The following TRPV4 variants were observed in gnomAD, a reference collection of about 807,000 sequenced individuals.
The protein encoded by TRPV4 is OSM9-like transient receptor potential channel 4.
A neutral mutation model predicts 84.1 loss-of-function variants in TRPV4; 58 were observed. The ratio of observed to expected loss-of-function variants is 0.69; its 90% CI spans 0.56 to 0.86. The LOEUF (loss-of-function observed/expected upper bound fraction) is 0.86, where lower values mean the gene tolerates loss of function less well. Among genes scored for constraint, TRPV4 ranks in the 40% least tolerant of loss-of-function variants. TRPV4 has a pLI of 0.00. For missense variants in TRPV4, 879 were observed against 1,181.1 expected, an observed-to-expected ratio of 0.74 and a Z score of 3.75; for synonymous variants, 489 against 500.9, an observed-to-expected ratio of 0.98 and a Z score of 0.32.
At position 109,788,615 on chromosome 12, in the gene TRPV4, T is replaced by C; in HGVS notation, c.1993A>G (p.Thr665Ala). Reference sequence around the variant, plus strand: ...AGGTCCAGGAGGAAGGTGCTGAAGGTCTCGCTGTCACGGCACGAGGGGTAA... The same window carrying C: ...AGGTCCAGGAGGAAGGTGCTGAAGGCCTCGCTGTCACGGCACGAGGGGTAA... ...PTYPSCRDSE[T>A]FSTFLLDLFK... is the part of the protein sequence containing the mutation. The change falls in exon 13 of 16, where the codon ACC becomes GCC. Residue 665 changes from threonine to alanine, a missense_variant. Physicochemically the swap from Thr to Ala is moderately conservative, Grantham distance 58. Transcript: ENST00000261740. The C allele has an allele frequency of 1.9e-6, 3 of 1,614,160 alleles. No homozygotes were observed. In the Admixed American group the frequency reaches 5.0e-5, roughly 27 times the overall value.
intron 3 of TRPV4, among the ~76,000 whole-genome samples, chr12:109,805,431 G>A (rs1366828255): frequency 2.6e-5 from 4 of 152,196 alleles, no homozygotes; most frequent in African/African-American, 9.7e-5. Context: ...CCAGAGATGA[G>A]GTGGAACATG....
chr12:109,792,528 G>A (rs1890112581), intron 11 of TRPV4, 99 bp from the exon 12 acceptor site: 1 of 1,573,432 alleles, frequency 6.4e-7, no homozygotes, highest in African/African-American at 1.4e-5. Context: ...CCAGTGTCCA[G>A]ACCATGCCTC....
rs1436121861 is a variant in TRPV4 at position 109,783,732 on chromosome 12, G to T, written c.2505C>A (p.Asn835Lys). The T allele has an allele frequency of 6.2e-7, 1 of 1,613,690 alleles. No individual in the cohort carries two copies. The highest frequency in any genetic ancestry group is 8.5e-7 in the Non-Finnish European group (1 of 1,179,984). ...GCACCACCACCTCGTCCGGGTTCGA[G>T]TTCTTGTTCAGTTCCACCACGCGGG... Reference protein sequence around the residue: ...VVPRVVELNKNSNPDEVVVPL... With the variant: ...VVPRVVELNKKSNPDEVVVPL... Residue 835 changes from asparagine to lysine, a missense_variant, in exon 16 of 16, where the codon AAC becomes AAA. Around this residue, in one of 4 missense-constraint regions of TRPV4, gnomAD observed 242 missense variants for 355.3 expected, o/e 0.68. Coordinates refer to ENST00000261740, the MANE Select transcript of TRPV4 (RefSeq NM_021625.5). This position sits in a 1 kb window ranked among gnomAD's most constrained non-coding sequence, Gnocchi z 4.6.
intron 2 of TRPV4, among the ~76,000 whole-genome samples, chr12:109,813,379 T>C (rs1297489660): frequency 6.6e-6 from 1 of 151,716 alleles, no homozygotes; most frequent in Non-Finnish European, 1.5e-5. Flanking sequence ...GCCATTGCAC[T>C]CCAGCCTGGG....
intron 1 of TRPV4, among the ~76,000 whole-genome samples, chr12:109,819,659 T>C (rs144135984): frequency 1.4e-3 from 212 of 152,324 alleles, no homozygotes; most frequent in African/African-American, 4.7e-3. Context: ...CCTCCCAGGC[T>C]CAAGCAATTC....
At chr12:109,806,263 C>T (rs1304171798) in intron 3 of TRPV4, among the ~76,000 whole-genome samples, 1 of 151,596 alleles carries the variant, frequency 6.6e-6, no homozygotes, top group Non-Finnish European at 1.5e-5. Flanking sequence ...GGTGCAATCT[C>T]GGCTCACTGC....
In TRPV4 at chr12:109,798,809, C is replaced by G. The variant is rs116698155; in HGVS notation, c.957G>C (p.Ser319=). ...GCGCATGCAGCACTGTGTTGCCTCG[C>G]GAGTCCTGGCGCCGCATGTCCGCCT... ...HKKADMRRQD[S]RGNTVLHALV... The change falls in exon 6 of 16, where the codon TCG becomes TCC. Residue 319 remains serine, a synonymous_variant. Transcript: ENST00000261740. This position sits in a 1 kb window ranked among gnomAD's most constrained non-coding sequence, Gnocchi z 5.0. 26 of 1,614,044 alleles carry G rather than the reference C, an allele frequency of 1.6e-5. No individual in the cohort carries two copies. Among genetic ancestry groups the G allele is most frequent in the Non-Finnish European group, 2.2e-5 (26 of 1,180,048 alleles).
Position 109,814,888 on chromosome 12 carries a change from C to T in TRPV4, c.-31-61G>A. ...GGCCAGGGGCGGGGGCTCCAGGAAGCCCCCTCCCACGTGGACAAGCAGCAG... is the reference window on the plus strand; with the variant it reads ...GGCCAGGGGCGGGGGCTCCAGGAAGTCCCCTCCCACGTGGACAAGCAGCAG... On this transcript the variant is annotated intron_variant, in intron 1 of 15. Coordinates refer to ENST00000261740, the MANE Select transcript of TRPV4 (RefSeq NM_021625.5). This position sits in a 1 kb window ranked among gnomAD's most constrained non-coding sequence, Gnocchi z 5.4. 1 of 1,471,594 alleles carries T rather than the reference C, an allele frequency of 6.8e-7. No individual in the cohort carries two copies. Among genetic ancestry groups the T allele is most frequent in the South Asian group, 1.2e-5 (1 of 81,442 alleles). The allele number at this position is 1,471,594 out of a possible 1,614,324, so 91.2% of individuals were successfully genotyped here.
In TRPV4 at chr12:109,814,887, G is replaced by C; in HGVS notation, c.-31-60C>G. On this transcript the variant is annotated intron_variant, in intron 1 of 15. Coordinates refer to ENST00000261740, the MANE Select transcript of TRPV4 (RefSeq NM_021625.5). The surrounding 1 kb of genome is among the most constrained non-coding windows in gnomAD (Gnocchi z 5.4). Reference sequence around the variant, plus strand: ...CGGCCAGGGGCGGGGGCTCCAGGAAGCCCCCTCCCACGTGGACAAGCAGCA... The same window carrying C: ...CGGCCAGGGGCGGGGGCTCCAGGAACCCCCCTCCCACGTGGACAAGCAGCA... 2 of 1,481,064 alleles carry C rather than the reference G, an allele frequency of 1.4e-6. No individual in the cohort carries two copies. Among genetic ancestry groups the C allele is most frequent in the Non-Finnish European group, 1.8e-6 (2 of 1,102,694 alleles). 91.7% of individuals were successfully genotyped at this position (1,481,064 alleles called of 1,614,324 possible). A position where few individuals can be genotyped will look rare whatever the true frequency, so the allele number is the denominator to read the frequency against.
Position 109,794,460 on chromosome 12 carries a change from G to C in TRPV4, c.1360C>G (p.Pro454Ala). Residue 454 changes from proline (P) to alanine (A), a missense_variant, in exon 8 of 16, where the codon CCC (proline) becomes GCC (alanine). This residue lies in a region of TRPV4 where 521 missense variants were observed against 686.6 expected (regional missense o/e 0.76). Coordinates refer to ENST00000261740, the MANE Select transcript of TRPV4 (RefSeq NM_021625.5). ...ENRHEMLAVE[P>A]INELLRDKWR... ...TTGTCCCGCAGCAGTTCATTGATGG[G>C]CTCCACAGCCAGCATCTCGTGGCGG... is the stretch of plus-strand genomic sequence containing the variant. The C allele has an allele frequency of 6.2e-7, 1 of 1,614,068 alleles. No individual in the cohort carries two copies. Among genetic ancestry groups the C allele is most frequent in the Non-Finnish European group, 8.5e-7 (1 of 1,180,028 alleles).
At chr12:109,784,197 GCA>G in intron 15 of TRPV4, 117 bp downstream of exon 15, 1 of 1,503,888 alleles carries the variant, frequency 6.6e-7, no homozygotes, top group Non-Finnish European at 9.1e-7. Context: ...AAGCTCAGGG[GCA>G]CACTCTCTCA....
Position 109,794,440 on chromosome 12 carries a change from C to T in TRPV4, c.1380G>A (p.Arg460=). 6.2e-7 allele frequency: 1 copy of T among 1,614,080 alleles called. No homozygotes were observed. The highest frequency in any genetic ancestry group is 2.2e-5 in the East Asian group (1 of 44,868). ...LAVEPINELL[R]DKWRKFGAVS... ...CGGCCCCGAACTTGCGCCACTTGTC[C>T]CGCAGCAGTTCATTGATGGGCTCCA... Residue 460 remains arginine (R), a synonymous_variant, in exon 8 of 16, where the codon CGG becomes CGA. Coordinates refer to ENST00000261740, the MANE Select transcript of TRPV4 (RefSeq NM_021625.5).
intron 4 of TRPV4, among the ~76,000 whole-genome samples, 174 bp downstream of exon 4, chr12:109,802,817 T>C (rs1049173112): frequency 3.3e-5 from 5 of 150,684 alleles, no homozygotes; most frequent in African/African-American, 4.9e-5. Flanking sequence ...CCTTCATCCA[T>C]CCATCTATCC....
At position 109,803,098 on chromosome 12, in the gene TRPV4, A is replaced by G. The variant is rs1890913134; in HGVS notation, c.605T>C (p.Leu202Pro). 6.2e-7 allele frequency: 1 copy of G among 1,614,184 alleles called. No individual in the cohort carries two copies. Among genetic ancestry groups the G allele is most frequent in the Non-Finnish European group, 8.5e-7 (1 of 1,180,038 alleles). ...GATGGTGTCGTTGCGGCCATTGCTC[A>G]GGTTCAGCAAGGCCTTGGGCAGGCA... is the stretch of plus-strand genomic sequence containing the variant. ...KTCLPKALLN[L>P]SNGRNDTIPV... is the part of the protein sequence containing the mutation. Residue 202 changes from leucine (L) to proline (P), a missense_variant, in exon 4 of 16, where the codon CTG becomes CCG. Physicochemically the swap from Leu to Pro is moderately conservative, Grantham distance 98. Transcript: ENST00000261740.
chr12:109,825,028 A>G (rs1410961511), intron 1 of TRPV4, among the ~76,000 whole-genome samples: 1 of 151,832 alleles, frequency 6.6e-6, no homozygotes, highest in Non-Finnish European at 1.5e-5. Flanking sequence ...TATTTGGTGT[A>G]TAGCACATTC....
At chr12:109,817,306 G>A (rs928310690) in intron 1 of TRPV4, among the ~76,000 whole-genome samples, 2 of 152,104 alleles carry the variant, frequency 1.3e-5, no homozygotes, top group Non-Finnish European at 2.9e-5. Context: ...AGGGGGAGAC[G>A]AGGCATCAGG....
intron 13 of TRPV4, among the ~76,000 whole-genome samples, chr12:109,787,187 G>A (rs1345200411): frequency 6.6e-6 from 1 of 152,220 alleles, no homozygotes; most frequent in Middle Eastern, 3.2e-3. Flanking sequence ...TGCCAGGCAG[G>A]AATCCGGACC....
At chr12:109,784,152 G>T (rs2136415837) in intron 15 of TRPV4, among the ~76,000 whole-genome samples, 164 bp downstream of exon 15, 1 of 152,326 alleles carries the variant, frequency 6.6e-6, no homozygotes, top group East Asian at 1.9e-4. Flanking sequence ...AAGCCACGTA[G>T]GTGAGGTGCC....
At chr12:109,788,751 G>A in intron 12 of TRPV4, 35 bp from the exon 13 acceptor site, 2 of 1,609,712 alleles carry the variant, frequency 1.2e-6, no homozygotes, top group East Asian at 4.5e-5. Context: ...CACTGAGTGT[G>A]AGCACACCCA....
Sources: allele counts gnomAD v4.1 joint callset (sites outside exome capture counted in the v4.1 genomes callset), GRCh38; gene constraint gnomAD v4.1.1; regional missense constraint gnomAD v4.1.1; non-coding constraint Gnocchi (gnomAD v3.1); transcripts MANE v1.5; gene names NCBI Gene and HGNC (gene_info 2026-07-23, HGNC 2026-07-21).